TMC1: variants seen among roughly 807,000 people sequenced by gnomAD.
The protein encoded by TMC1 is transmembrane channel like 1.
In TMC1, 84 loss-of-function variants were observed where a neutral mutation model predicts 105.8. The observed-to-expected ratio is 0.79, with a 90% CI of 0.67 to 0.95. The LOEUF (loss-of-function observed/expected upper bound fraction) is 0.95. Among genes scored for constraint, TMC1 ranks in the 40% least tolerant of loss-of-function variants. The pLI is 0.00. For missense variants in TMC1, 817 were observed against 914.1 expected, an observed-to-expected ratio of 0.89 and a Z score of 1.37; for synonymous variants, 315 against 311.5, an observed-to-expected ratio of 1.01 and a Z score of -0.12.
At chr9:72,791,817 A>C (rs558153327) in intron 15 of TMC1, 69 bp from the exon 16 acceptor site, 86 of 1,404,302 alleles carry the variant, frequency 6.1e-5, no homozygotes, top group Non-Finnish European at 8.3e-5. Flanking sequence ...AATCTTCCAA[A>C]ATTCTGGCAA....
rs1491148210 is a variant in TMC1, at chr9:72,836,219, ACT to A, written c.*247_*248del. ...ACTCTCTCCCCTGCTCCATTTCGTG[ACT>A]TTTTTTTTTTTTTTAACAAATTGAG... is the stretch of plus-strand genomic sequence containing the variant. On this transcript the variant is annotated 3_prime_UTR_variant, in exon 24 of 24. Transcript: ENST00000297784. 1.7e-5 allele frequency: 9 copies of A among 521,598 alleles called. No individual in the cohort carries two copies. Among genetic ancestry groups the A allele is most frequent in the Non-Finnish European group, 3.1e-5 (9 of 294,652 alleles). The allele number at this position is 521,598 out of a possible 1,614,324, so 32.3% of individuals were successfully genotyped here. A position where few individuals can be genotyped will look rare whatever the true frequency, so the allele number is the denominator to read the frequency against.
At chr9:72,626,352 G>A (rs377005683) in intron 3 of TMC1, among the ~76,000 whole-genome samples, 136 of 152,170 alleles carry the variant, frequency 8.9e-4, no homozygotes, top group African/African-American at 3.1e-3. Context: ...TGGAGCTAAG[G>A]AGAAAGATCT....
At chr9:72,676,017 G>A (rs988479551) in intron 5 of TMC1, among the ~76,000 whole-genome samples, 2 of 152,106 alleles carry the variant, frequency 1.3e-5, no homozygotes, top group Admixed American at 1.3e-4. Context: ...TGATCAATCT[G>A]AGCATGGACT....
At chr9:72,789,411 C>T (rs977200782) in intron 15 of TMC1, 94 bp downstream of exon 15, 93 of 1,215,766 alleles carry the variant, frequency 7.6e-5, no homozygotes, top group Non-Finnish European at 1.0e-4. Flanking sequence ...AAAGGCCACC[C>T]TTTACCTATC....
intron 17 of TMC1, among the ~76,000 whole-genome samples, chr9:72,802,085 A>G (rs965090015): frequency 6.6e-6 from 1 of 152,092 alleles, no homozygotes; most frequent in African/African-American, 2.4e-5. Context: ...TAGTTATTAG[A>G]ATCTGAGCTC....
intron 1 of TMC1, among the ~76,000 whole-genome samples, chr9:72,523,310 C>T (rs566784664): frequency 6.6e-6 from 1 of 152,148 alleles, no homozygotes; most frequent in South Asian, 2.1e-4. Context: ...TATAGTTGAC[C>T]TTGAACAACT....
chr9:72,783,297 A>C (rs1272844211), intron 13 of TMC1, among the ~76,000 whole-genome samples: 2 of 152,290 alleles, frequency 1.3e-5, no homozygotes, highest in African/African-American at 2.4e-5. Flanking sequence ...AAAACAGGGA[A>C]ACCGACAGTG....
At chr9:72,646,712 C>T (rs573495039) in intron 4 of TMC1, among the ~76,000 whole-genome samples, 2 of 152,152 alleles carry the variant, frequency 1.3e-5, no homozygotes, top group South Asian at 4.1e-4. Context: ...CGACTCACTG[C>T]AACCTCCAAT....
intron 4 of TMC1, among the ~76,000 whole-genome samples, chr9:72,643,074 A>T (rs774029694): frequency 3.3e-5 from 5 of 152,090 alleles, no homozygotes; most frequent in Non-Finnish European, 4.4e-5. Context: ...GATTGTTTCT[A>T]TCTAATTTTC....
At chr9:72,768,519 A>G (rs1342411336) in intron 12 of TMC1, among the ~76,000 whole-genome samples, 1 of 152,206 alleles carries the variant, frequency 6.6e-6, no homozygotes, top group East Asian at 1.9e-4. Flanking sequence ...GTGCTTTTTA[A>G]CATTCATTTA....
intron 18 of TMC1, among the ~76,000 whole-genome samples, chr9:72,808,658 A>G (rs1828643128): frequency 6.6e-6 from 1 of 152,200 alleles, no homozygotes; most frequent in Non-Finnish European, 1.5e-5. Context: ...TTGCACCATC[A>G]AGGCAGCACT....
At chr9:72,655,758 T>G in intron 5 of TMC1, 1 of 515,790 alleles carries the variant, frequency 1.9e-6, no homozygotes, top group South Asian at 2.3e-5. Flanking sequence ...AAAAAATCAT[T>G]CAAAAGATTA....
intron 6 of TMC1, among the ~76,000 whole-genome samples, chr9:72,690,696 A>G (rs1468944288): frequency 6.6e-6 from 1 of 152,114 alleles, no homozygotes; most frequent in African/African-American, 2.4e-5. Flanking sequence ...TGATAGTCTT[A>G]TGAAGGTTTC....
intron 5 of TMC1, among the ~76,000 whole-genome samples, chr9:72,673,227 A>T (rs985076355): frequency 2.0e-5 from 3 of 152,188 alleles, no homozygotes; most frequent in African/African-American, 7.2e-5. Context: ...AAAATTTATA[A>T]TAGTATAGAC....
chr9:72,798,766 T>C (rs1488405789), intron 17 of TMC1, among the ~76,000 whole-genome samples: 1 of 152,030 alleles, frequency 6.6e-6, no homozygotes, highest in African/African-American at 2.4e-5. Flanking sequence ...TAAAATAATC[T>C]GTACAACAAA....
chr9:72,665,501 G>A (rs537796345), intron 5 of TMC1, among the ~76,000 whole-genome samples: 69 of 152,274 alleles, frequency 4.5e-4, no homozygotes, highest in Non-Finnish European at 7.1e-4. Context: ...ACAGAAAGTG[G>A]TACAAAGATA....
intron 4 of TMC1, among the ~76,000 whole-genome samples, chr9:72,647,123 CAG>C (rs1390478599): frequency 1.5e-5 from 2 of 130,818 alleles, no homozygotes; most frequent in African/African-American, 5.9e-5. Flanking sequence ...GCCTGGGTGA[CAG>C]AGTGAGACTC....
intron 1 of TMC1, among the ~76,000 whole-genome samples, chr9:72,550,486 G>A (rs1823842570): frequency 6.6e-6 from 1 of 150,922 alleles, no homozygotes; most frequent in African/African-American, 2.4e-5. Flanking sequence ...GTAAAACCCC[G>A]TTTCTACTAA....
chr9:72,788,316 G>T, intron 13 of TMC1, 23 bp from the exon 14 acceptor site: 6 of 1,613,742 alleles, frequency 3.7e-6, no homozygotes, highest in Non-Finnish European at 5.1e-6. Flanking sequence ...CTGGCTGCTG[G>T]GTTAAACTTC....
Sources: allele counts gnomAD v4.1 joint callset (sites outside exome capture counted in the v4.1 genomes callset), GRCh38; gene constraint gnomAD v4.1.1; transcripts MANE v1.5; gene names NCBI Gene and HGNC (gene_info 2026-07-23, HGNC 2026-07-21).